F2R: variants seen among roughly 807,000 people sequenced by gnomAD.
The protein encoded by F2R is coagulation factor II thrombin receptor.
F2R carries 12 observed loss-of-function variants against 18.3 expected under a neutral mutation model. That is an observed-to-expected ratio of 0.66 (90% confidence interval 0.42 to 1.06). The LOEUF (loss-of-function observed/expected upper bound fraction) is 1.06, where lower values mean the gene tolerates loss of function less well. F2R is among the 50% of genes least tolerant of loss of function. The pLI is 0.00. For synonymous variants in F2R, 210 were observed against 219.9 expected (o/e 0.95, Z 0.40); for missense variants, 438 against 530.8 (o/e 0.83, Z 1.72).
intron 1 of F2R, 72 bp downstream of exon 1, chr5:76,716,467 G>A: frequency 1.6e-6 from 2 of 1,236,892 alleles, no homozygotes; most frequent in Non-Finnish European, 2.1e-6. Context: ...TCACTGTTGC[G>A]CCTTCTCCTC....
intron 1 of F2R, among the ~76,000 whole-genome samples, chr5:76,728,362 CCAG>C (rs1299530385): frequency 6.6e-6 from 1 of 152,160 alleles, no homozygotes; most frequent in Non-Finnish European, 1.5e-5. Context: ...CCATCCAACC[CCAG>C]CCTCTACTAA....
chr5:76,719,435 C>A (rs2227757), intron 1 of F2R, among the ~76,000 whole-genome samples: 4,857 of 152,188 alleles, frequency 0.032, 199 homozygotes, highest in African/African-American at 0.087. Flanking sequence ...ACTAAAAATA[C>A]AAAATTAGCT....
intron 1 of F2R, among the ~76,000 whole-genome samples, chr5:76,725,781 A>T (rs1368655743): frequency 6.6e-6 from 1 of 152,212 alleles, no homozygotes; most frequent in African/African-American, 2.4e-5. Flanking sequence ...TCATGTTTCC[A>T]CAAGTATAAT....
At position 76,733,470 on chromosome 5, in the gene F2R, G is replaced by A. The variant is rs1748722548; in HGVS notation, c.1245G>A (p.Leu415=). 1.2e-6 allele frequency: 2 copies of A among 1,613,238 alleles called. No homozygotes were observed. The highest frequency in any genetic ancestry group is 1.7e-5 in the Admixed American group (1 of 59,862). The part of the protein sequence containing the change: ...ASKMDTCSSN[L]NNSIYKKLLT ...AAATGGATACCTGCTCTAGTAACCTGAATAACAGCATATACAAAAAGCTGT... is the reference window on the plus strand; with the variant it reads ...AAATGGATACCTGCTCTAGTAACCTAAATAACAGCATATACAAAAAGCTGT... The change falls in exon 2 of 2, where the codon CTG becomes CTA. Residue 415 remains leucine, a synonymous_variant. Transcript: ENST00000319211.
chr5:76,727,264 T>C (rs1748577557), intron 1 of F2R, among the ~76,000 whole-genome samples: 1 of 152,338 alleles, frequency 6.6e-6, no homozygotes, highest in East Asian at 1.9e-4. Context: ...CACGGGATGC[T>C]CCAGTTGCCA....
intron 1 of F2R, among the ~76,000 whole-genome samples, chr5:76,730,638 T>C (rs891147668): frequency 3.3e-5 from 5 of 152,140 alleles, no homozygotes; most frequent in Non-Finnish European, 7.4e-5. Flanking sequence ...CTGGACACTA[T>C]CTACCTCTAA....
rs78140306 is a variant in F2R at position 76,719,866 on chromosome 5, C to A, written c.88+3471C>A. Among the ~76,000 whole-genome samples the A allele has an allele frequency of 7.7e-3, 1,165 of 152,284 alleles. 13 individuals are homozygous for A. The highest frequency in any genetic ancestry group is 0.027 in the African/African-American group (1,114 of 41,564). On this transcript the variant is annotated intron_variant, in intron 1 of 1. Transcript: ENST00000319211. The stretch of plus-strand genomic sequence containing the variant: ...GCATTTATGCACGGACTGTGGTATT[C>A]TCTCATTTACTTTCGCTAACAGATG...
chr5:76,730,724 A>G (rs956738281), intron 1 of F2R, among the ~76,000 whole-genome samples: 1 of 152,130 alleles, frequency 6.6e-6, no homozygotes, highest in Non-Finnish European at 1.5e-5. Flanking sequence ...CAGTTTCACA[A>G]CGCTGCCTTC....
At chr5:76,722,222 T>C (rs1380219544) in intron 1 of F2R, among the ~76,000 whole-genome samples, 1 of 152,202 alleles carries the variant, frequency 6.6e-6, no homozygotes, top group Non-Finnish European at 1.5e-5. Context: ...TGGGGAGGAA[T>C]TGGTGATCAT....
intron 1 of F2R, among the ~76,000 whole-genome samples, chr5:76,727,349 C>T (rs142974150): frequency 6.6e-6 from 1 of 152,316 alleles, no homozygotes; most frequent in East Asian, 1.9e-4. Context: ...TAAGTGATCC[C>T]TGAACAGAGT....
At chr5:76,725,268 A>G (rs1031249585) in intron 1 of F2R, among the ~76,000 whole-genome samples, 12 of 152,238 alleles carry the variant, frequency 7.9e-5, no homozygotes, top group Non-Finnish European at 1.2e-4. Context: ...CCACAGTTAA[A>G]GAGTCCGTAT....
chr5:76,721,072 G>T (rs1300454679), intron 1 of F2R, among the ~76,000 whole-genome samples: 1 of 152,194 alleles, frequency 6.6e-6, no homozygotes, highest in Non-Finnish European at 1.5e-5. Context: ...CTCCCAAAGT[G>T]CTGGAATTCT....
intron 1 of F2R, among the ~76,000 whole-genome samples, chr5:76,726,219 T>C (rs914908116): frequency 6.6e-6 from 1 of 151,846 alleles, no homozygotes; most frequent in Admixed American, 6.6e-5. Flanking sequence ...TGAAACCCCA[T>C]CTCTACTAAA....
intron 1 of F2R, among the ~76,000 whole-genome samples, chr5:76,726,084 A>G (rs1424025602): frequency 6.6e-6 from 1 of 152,142 alleles, no homozygotes; most frequent in Non-Finnish European, 1.5e-5. Flanking sequence ...TGCAGAGGAG[A>G]ATTGCATTAT....
At position 76,732,784 on chromosome 5, in the gene F2R, T is replaced by A. The variant is rs2230849; in HGVS notation, c.559T>A (p.Tyr187Asn). Residue 187 changes from tyrosine (Y) to asparagine (N), a missense_variant, in exon 2 of 2, where the codon TAC (tyrosine) becomes AAC (asparagine). By Grantham distance (143) the Tyr-to-Asn change is moderately radical. Transcript: ENST00000319211. ...FVTAAFYCNM[Y>N]ASILLMTVIS... is the part of the protein sequence containing the mutation. ...CACTGCAGCATTTTACTGTAACATG[T>A]ACGCCTCTATCTTGCTCATGACAGT... 6.2e-7 allele frequency: 1 copy of A among 1,614,228 alleles called. No individual in the cohort carries two copies. Among genetic ancestry groups the A allele is most frequent in the Non-Finnish European group, 8.5e-7 (1 of 1,180,046 alleles).
intron 1 of F2R, chr5:76,716,608 T>C (rs374186197): frequency 3.2e-5 from 23 of 722,936 alleles, no homozygotes; most frequent in East Asian, 1.6e-4. Flanking sequence ...GGACTCGATC[T>C]TGGAGGGTGC....
At chr5:76,716,940 T>A (rs898116568) in intron 1 of F2R, among the ~76,000 whole-genome samples, 1 of 152,162 alleles carries the variant, frequency 6.6e-6, no homozygotes, top group Non-Finnish European at 1.5e-5. Flanking sequence ...CCCGGCCTTG[T>A]GTCCAGGAGG....
At chr5:76,724,058 C>CT (rs1482674018) in intron 1 of F2R, among the ~76,000 whole-genome samples, 3 of 152,082 alleles carry the variant, frequency 2.0e-5, no homozygotes, top group Non-Finnish European at 4.4e-5. Context: ...ACATTTCCTT[C>CT]TGTTTTTTTG....
rs1323400579 is a variant in F2R, at chr5:76,735,603, T to C, written c.*2100T>C. ...GCTAGCACTGGTTTTATTAATTTAG[T>C]GACTATTCATTTTATCTAAATCAGT... On this transcript the variant is annotated 3_prime_UTR_variant, in exon 2 of 2. Transcript: ENST00000319211. 1 of 152,244 alleles carries C rather than the reference T, an allele frequency of 6.6e-6. No individual in the cohort carries two copies. Among genetic ancestry groups the C allele is most frequent in the Admixed American group, 6.5e-5 (1 of 15,280 alleles). 9.4% of individuals were successfully genotyped at this position (152,244 alleles called of 1,614,324 possible). A position where few individuals can be genotyped will look rare whatever the true frequency, so the allele number is the denominator to read the frequency against.
Sources: gnomAD v4.1 joint callset for allele counts (sites outside exome capture counted in the v4.1 genomes callset) on GRCh38, gnomAD v4.1.1 for gene constraint, MANE v1.5 for transcripts, NCBI Gene and HGNC (gene_info 2026-07-23, HGNC 2026-07-21) for gene names.